MFSD2A: variants seen among roughly 807,000 people sequenced by gnomAD.
MFSD2A encodes the protein sodium-dependent lysophosphatidylcholine symporter 1.
Under a neutral mutation model 64.7 loss-of-function variants are expected in MFSD2A, and 27 were observed. The ratio of observed to expected loss-of-function variants is 0.42; its 90% CI spans 0.31 to 0.58. The LOEUF is 0.58. MFSD2A is among the 20% of genes least tolerant of loss of function. The probability of loss-of-function intolerance (pLI) is 0.18; values close to 1 mark genes in which losing one functional copy is unlikely to be tolerated. For synonymous variants in MFSD2A, 258 were observed against 273.4 expected (o/e 0.94, Z 0.55); for missense variants, 474 against 679.5 (o/e 0.70, Z 3.36).
chr1:39,966,540 C>A, intron 6 of MFSD2A, 61 bp from the exon 7 acceptor site: 1 of 1,381,062 alleles, frequency 7.2e-7, no homozygotes, highest in Non-Finnish European at 1.0e-6. Flanking sequence ...GCTGCTGGAA[C>A]TGGGGTGCTG....
Position 39,968,213 on chromosome 1 carries a change from C to T in MFSD2A, c.1209-121C>T, listed in dbSNP as rs1645205274. On this transcript the variant is annotated intron_variant, in intron 11 of 13. Coordinates refer to ENST00000372811, the MANE Select transcript of MFSD2A (RefSeq NM_032793.5). This position sits in a 1 kb window ranked among gnomAD's most constrained non-coding sequence, Gnocchi z 4.4. Reference sequence around the variant, plus strand: ...GGCCTTTTCTTATTCATGTGAAGGTCCCATATCCTCACTGAGCTGTGTACC... The same window carrying T: ...GGCCTTTTCTTATTCATGTGAAGGTTCCATATCCTCACTGAGCTGTGTACC... 1 of 1,185,280 alleles carries T rather than the reference C, an allele frequency of 8.4e-7. No individual in the cohort carries two copies. The highest frequency in any genetic ancestry group is 1.4e-5 in the South Asian group (1 of 73,852). 73.4% of individuals were successfully genotyped at this position (1,185,280 alleles called of 1,614,324 possible). A position where few individuals can be genotyped will look rare whatever the true frequency, so the allele number is the denominator to read the frequency against.
In MFSD2A at chr1:39,955,552, G is replaced by T. The variant is rs1321195128; in HGVS notation, c.93+167G>T. 1 of 780,744 alleles carries T rather than the reference G, an allele frequency of 1.3e-6. No individual in the cohort carries two copies. The highest frequency in any genetic ancestry group is 1.5e-5 in the South Asian group (1 of 67,586). 48.4% of individuals were successfully genotyped at this position (780,744 alleles called of 1,614,324 possible). A position where few individuals can be genotyped will look rare whatever the true frequency, so the allele number is the denominator to read the frequency against. ...GGGTGCCCTGGGACAGGGGGTGACGGAGAAAAGCTGTGGGCGCCCTCGCCC... is the reference window on the plus strand; with the variant it reads ...GGGTGCCCTGGGACAGGGGGTGACGTAGAAAAGCTGTGGGCGCCCTCGCCC... On this transcript the variant is annotated intron_variant, in intron 1 of 13. Coordinates refer to ENST00000372811, the MANE Select transcript of MFSD2A (RefSeq NM_032793.5). The surrounding 1 kb of genome is among the most constrained non-coding windows in gnomAD (Gnocchi z 5.9).
rs1490922047 is a variant in MFSD2A, at chr1:39,968,260, A to G, written c.1209-74A>G. On this transcript the variant is annotated intron_variant, in intron 11 of 13. Transcript: ENST00000372811. The surrounding 1 kb of genome is among the most constrained non-coding windows in gnomAD (Gnocchi z 4.4). ...TACCCATGGTACTGCAAGCTTCCAG[A>G]GGGCCACCTCTTCTCATTAACACAG... 1.9e-6 allele frequency: 3 copies of G among 1,593,074 alleles called. No homozygotes were observed. The highest frequency in any genetic ancestry group is 4.5e-5 in the East Asian group (2 of 44,706).
In MFSD2A at chr1:39,964,764, GT is replaced by G; in HGVS notation, c.354-446del. The G allele has an allele frequency of 8.3e-6, 1 of 120,326 alleles. No homozygotes were observed. Among genetic ancestry groups the G allele is most frequent in the Non-Finnish European group, 1.7e-5 (1 of 58,734 alleles). 7.5% of individuals were successfully genotyped at this position (120,326 alleles called of 1,614,324 possible). ...TGAATGAGGTGTGTGTGAATGGGGT[GT>G]GTGTGTGTGTGAATGAGGTGTGTGT... On this transcript the variant is annotated intron_variant, in intron 3 of 13. Transcript: ENST00000372811. This position sits in a 1 kb window ranked among gnomAD's most constrained non-coding sequence, Gnocchi z 4.1.
intron 6 of MFSD2A, among the ~76,000 whole-genome samples, chr1:39,966,232 C>T (rs1020192956): frequency 6.6e-6 from 1 of 152,188 alleles, no homozygotes; most frequent in Non-Finnish European, 1.5e-5. Flanking sequence ...TAGTGAATTG[C>T]AGAGATTTGG....
rs1442772625 is a variant in MFSD2A, at chr1:39,955,474, G to A, written c.93+89G>A. Reference sequence around the variant, plus strand: ...GGCGTCCCGGGGTCGGCCTGGTCAGGGGACCATTGGGATAGCCAGGGACAG... The same window carrying A: ...GGCGTCCCGGGGTCGGCCTGGTCAGAGGACCATTGGGATAGCCAGGGACAG... On this transcript the variant is annotated intron_variant, in intron 1 of 13. Transcript: ENST00000372811. The surrounding 1 kb of genome is among the most constrained non-coding windows in gnomAD (Gnocchi z 5.9). The A allele has an allele frequency of 7.7e-7, 1 of 1,305,696 alleles. No individual in the cohort carries two copies. Among genetic ancestry groups the A allele is most frequent in the Admixed American group, 2.0e-5 (1 of 49,674 alleles). 80.9% of individuals were successfully genotyped at this position (1,305,696 alleles called of 1,614,324 possible). A position where few individuals can be genotyped will look rare whatever the true frequency, so the allele number is the denominator to read the frequency against.
Position 39,957,111 on chromosome 1 carries a change from C to T in MFSD2A, c.118C>T (p.Gln40Ter). ...GAAAGAACCGAAAAAGAAGAAACAA[C>T]AGTTGTCTGTTTGCAACAAGCTTTG... ...VKKEPKKKKQQLSVCNKLCYA... is the reference protein window; with the variant it reads ...VKKEPKKKKQ The change falls in exon 2 of 14, where the codon CAG becomes TAG. Residue 40 changes from glutamine to a stop codon, truncating the protein, a stop_gained. Coordinates refer to ENST00000372811, the MANE Select transcript of MFSD2A (RefSeq NM_032793.5). LOFTEE classifies it high-confidence loss of function. 6.2e-7 allele frequency: 1 copy of T among 1,614,060 alleles called. No individual in the cohort carries two copies. Among genetic ancestry groups the T allele is most frequent in the Non-Finnish European group, 8.5e-7 (1 of 1,179,988 alleles).
chr1:39,967,508 A>G (rs1645189691), intron 9 of MFSD2A, 120 bp from the exon 10 acceptor site: 5 of 904,300 alleles, frequency 5.5e-6, no homozygotes, highest in Non-Finnish European at 9.2e-6. Context: ...GTTGCTGCCC[A>G]CATGATGTCA....
At position 39,967,099 on chromosome 1, in the gene MFSD2A, A is replaced by G; in HGVS notation, c.941A>G (p.Asn314Ser). The change falls in exon 9 of 14, where the codon AAC becomes AGC. Residue 314 changes from asparagine to serine, a missense_variant. Coordinates refer to ENST00000372811, the MANE Select transcript of MFSD2A (RefSeq NM_032793.5). ...TSLAFMLVEGNFVLFCTYTLG... is the reference protein window; with the variant it reads ...TSLAFMLVEGSFVLFCTYTLG... ...CTCCATGCCCAGCTGGTGGAGGGGA[A>G]CTTTGTCTTGTTTTGCACCTACACC... The G allele has an allele frequency of 6.2e-7, 1 of 1,613,912 alleles. No homozygotes were observed. The highest frequency in any genetic ancestry group is 8.5e-7 in the Non-Finnish European group (1 of 1,179,968).
At chr1:39,961,678 C>CA (rs201478287) in intron 3 of MFSD2A, among the ~76,000 whole-genome samples, 4,118 of 151,258 alleles carry the variant, frequency 0.027, 193 homozygotes, top group African/African-American at 0.095. Context: ...AAACAAAAAA[C>CA]AAAAAAACAC....
At chr1:39,962,569 C>CG (rs1172089318) in intron 3 of MFSD2A, 31 of 624,926 alleles carry the variant, frequency 5.0e-5, no homozygotes, top group Middle Eastern at 4.2e-4. Context: ...ACTGGTGCAG[C>CG]GGGGGGGCCT....
At chr1:39,966,969 G>A (rs771097411) in intron 8 of MFSD2A, 37 bp downstream of exon 8, 1 of 1,613,412 alleles carries the variant, frequency 6.2e-7, no homozygotes, top group Non-Finnish European at 8.5e-7. Context: ...TGAGAAGGAG[G>A]TGTAATGGGA....
At chr1:39,969,445 G>T in intron 13 of MFSD2A, 60 bp from the exon 14 acceptor site, 1 of 1,457,386 alleles carries the variant, frequency 6.9e-7, no homozygotes, top group Non-Finnish European at 9.4e-7. Context: ...GGAGGCAGGT[G>T]GGGCTGAGGA....
At chr1:39,959,255 T>C (rs568049039) in intron 3 of MFSD2A, among the ~76,000 whole-genome samples, 18 of 151,698 alleles carry the variant, frequency 1.2e-4, no homozygotes, top group African/African-American at 4.1e-4. Context: ...TCTTTCTTTT[T>C]TTTTTTTTTA....
At chr1:39,967,591 A>G (rs1006278710) in intron 9 of MFSD2A, 37 bp from the exon 10 acceptor site, 2 of 1,598,804 alleles carry the variant, frequency 1.3e-6, no homozygotes, top group African/African-American at 2.7e-5. Flanking sequence ...CTGTGGCTCT[A>G]AAGCACCTCC....
Position 39,963,907 on chromosome 1 carries a change from G to A in MFSD2A, c.354-1304G>A, listed in dbSNP as rs1419867128. On this transcript the variant is annotated intron_variant, in intron 3 of 13. Transcript: ENST00000372811. This position sits in a 1 kb window ranked among gnomAD's most constrained non-coding sequence, Gnocchi z 4.2. ...GCGCCACCATGCCTGGTTAATTTTTGTATTTTTAGTAGAGACGGAGGTTTC... is the reference window on the plus strand; with the variant it reads ...GCGCCACCATGCCTGGTTAATTTTTATATTTTTAGTAGAGACGGAGGTTTC... Among the ~76,000 whole-genome samples, 1 of 152,114 alleles carries A rather than the reference G, an allele frequency of 6.6e-6. No individual in the cohort carries two copies. Among genetic ancestry groups the A allele is most frequent in the East Asian group, 1.9e-4 (1 of 5,194 alleles).
At chr1:39,956,661 T>C (rs1557627925) in intron 1 of MFSD2A, among the ~76,000 whole-genome samples, 1 of 152,060 alleles carries the variant, frequency 6.6e-6, no homozygotes. Context: ...TTTTCCATGT[T>C]CCTAAGAATG....
chr1:39,965,698 C>G lies in MFSD2A; in HGVS notation c.556+149C>G. On this transcript the variant is annotated intron_variant, in intron 5 of 13. Coordinates refer to ENST00000372811, the MANE Select transcript of MFSD2A (RefSeq NM_032793.5). The surrounding 1 kb of genome is among the most constrained non-coding windows in gnomAD (Gnocchi z 5.5). ...CAATCCCCTTATTGCTCAGATGAGA[C>G]CTGGAGAGGTGCATATGCGTTCAAA... The G allele has an allele frequency of 1.7e-6, 2 of 1,211,908 alleles. No homozygotes were observed. Among genetic ancestry groups the G allele is most frequent in the South Asian group, 2.7e-5 (2 of 73,624 alleles). The allele number at this position is 1,211,908 out of a possible 1,614,324, so 75.1% of individuals were successfully genotyped here.
rs372670526 is a variant in MFSD2A, at chr1:39,968,878, G to A, written c.1529+133G>A. The A allele has an allele frequency of 3.3e-5, 30 of 906,752 alleles. No homozygotes were observed. The highest frequency in any genetic ancestry group is 3.5e-4 in the Middle Eastern group (1 of 2,868). 56.2% of individuals were successfully genotyped at this position (906,752 alleles called of 1,614,324 possible). On this transcript the variant is annotated intron_variant, in intron 13 of 13. Coordinates refer to ENST00000372811, the MANE Select transcript of MFSD2A (RefSeq NM_032793.5). This position sits in a 1 kb window ranked among gnomAD's most constrained non-coding sequence, Gnocchi z 4.4. ...CTGGACAGCTGTAACACTTAAGTAC[G>A]CACCAGGCACTGTGTTAAGTGGTCT...
Sources: gnomAD v4.1 joint callset for allele counts (sites outside exome capture counted in the v4.1 genomes callset) on GRCh38, gnomAD v4.1.1 for gene constraint, Gnocchi (gnomAD v3.1) non-coding constraint, MANE v1.5 for transcripts, NCBI Gene and HGNC (gene_info 2026-07-23, HGNC 2026-07-21) for gene names.